Variants in SYNE2 observed in about 807,000 individuals in gnomAD.
The protein encoded by SYNE2 is nesprin-2.
Under a neutral mutation model 856.3 loss-of-function variants are expected in SYNE2, and 431 were observed. The observed-to-expected ratio is 0.50, with a 90% CI of 0.47 to 0.55. SYNE2 has a LOEUF of 0.55. Ranked by LOEUF, SYNE2 falls within the 20% of genes least tolerant of loss-of-function variation. The pLI is 0.00. For missense variants in SYNE2, 8,129 were observed against 8,023.2 expected, an observed-to-expected ratio of 1.01 and a Z score of -0.50; for synonymous variants, 2,923 against 2,872.3, an observed-to-expected ratio of 1.02 and a Z score of -0.56.
At chr14:63,842,257 C>T (rs906577390) in intron 1 of SYNE2, among the ~76,000 whole-genome samples, 5 of 152,168 alleles carry the variant, frequency 3.3e-5, no homozygotes, top group East Asian at 1.9e-4. Flanking sequence ...CTGCAACCTG[C>T]GCCTGCCAGG....
chr14:64,156,452 T>A (rs2098286308), intron 85 of SYNE2, among the ~76,000 whole-genome samples: 1 of 150,722 alleles, frequency 6.6e-6, no homozygotes, highest in African/African-American at 2.5e-5. Flanking sequence ...TATTTTCTTT[T>A]TTCTTTCCTT....
chr14:64,035,699 T>C (rs1315326873), intron 45 of SYNE2, among the ~76,000 whole-genome samples: 2 of 152,038 alleles, frequency 1.3e-5, no homozygotes, highest in Non-Finnish European at 1.5e-5. Flanking sequence ...ATTTATTTTT[T>C]ATGAATTTTA....
At chr14:63,884,213 C>T (rs970541961) in intron 1 of SYNE2, among the ~76,000 whole-genome samples, 6 of 152,164 alleles carry the variant, frequency 3.9e-5, no homozygotes, top group Non-Finnish European at 8.8e-5. Flanking sequence ...ACTTAGCAGG[C>T]CAGCGCTGCT....
chr14:64,078,182 A>T (rs1336291449), intron 54 of SYNE2, among the ~76,000 whole-genome samples: 6 of 152,214 alleles, frequency 3.9e-5, no homozygotes, highest in Admixed American at 3.9e-4. Flanking sequence ...TGCCCAACAC[A>T]GCATATATCT....
intron 2 of SYNE2, among the ~76,000 whole-genome samples, chr14:63,927,763 G>A (rs539688711): frequency 3.3e-5 from 5 of 151,984 alleles, no homozygotes; most frequent in East Asian, 3.9e-4. Context: ...GTGGGGTCGC[G>A]CGCCTGCAGT....
intron 49 of SYNE2, among the ~76,000 whole-genome samples, 155 bp from the exon 50 acceptor site, chr14:64,062,596 C>A (rs953667476): frequency 6.6e-6 from 1 of 152,156 alleles, no homozygotes; most frequent in African/African-American, 2.4e-5. Context: ...ATAAAAACTT[C>A]TTGGAAAACA....
chr14:64,136,279 G>A (rs2098087835), intron 78 of SYNE2, among the ~76,000 whole-genome samples: 1 of 112,144 alleles, frequency 8.9e-6, no homozygotes, highest in Non-Finnish European at 1.6e-5. Flanking sequence ...GACAGAGCGA[G>A]ACTTCATCTC....
chr14:64,161,579 TCTTTGCCAAAGAG>T (rs1242238157), intron 87 of SYNE2, among the ~76,000 whole-genome samples: 1 of 151,998 alleles, frequency 6.6e-6, no homozygotes, highest in Non-Finnish European at 1.5e-5. Flanking sequence ...GTTTTCTCCA[TCTTTGCCAAAGAG>T]ACATTCATAG....
At position 63,840,721 on chromosome 14, in the gene SYNE2, T is replaced by A. The variant is rs553579576; in HGVS notation, c.-304-11780T>A. On this transcript the variant is annotated intron_variant, in intron 1 of 23. Coordinates refer to the SYNE2 transcript ENST00000674003. ...ACTTCTTTAGGTCTCCTTTAACTAA[T>A]AACTGTAGAGGCTGTGCGCAGTGGC... Among the ~76,000 whole-genome samples, 90 of 152,170 alleles carry A rather than the reference T, an allele frequency of 5.9e-4. 1 individual carries two copies. Among genetic ancestry groups the A allele is most frequent in the Non-Finnish European group, 1.2e-3 (83 of 67,974 alleles).
At chr14:64,092,222 G>A (rs1320388949) in intron 60 of SYNE2, among the ~76,000 whole-genome samples, 1 of 152,166 alleles carries the variant, frequency 6.6e-6, no homozygotes, top group Non-Finnish European at 1.5e-5. Flanking sequence ...CTTCACAGAC[G>A]AAATGGGTGA....
At chr14:64,087,477 C>G in intron 57 of SYNE2, 194 bp from the exon 58 acceptor site, 1 of 750,084 alleles carries the variant, frequency 1.3e-6, no homozygotes, top group Non-Finnish European at 2.5e-6. Context: ...TATTATGTTA[C>G]AGTTATACAG....
chr14:63,800,789 C>A (rs1457482286), intron 1 of SYNE2, among the ~76,000 whole-genome samples: 1 of 152,044 alleles, frequency 6.6e-6, no homozygotes, highest in East Asian at 1.9e-4. Flanking sequence ...AAGAAGGAAG[C>A]AGACACTGTG....
At position 64,008,903 on chromosome 14, in the gene SYNE2, G is replaced by A. The variant is rs141621817; in HGVS notation, c.4578-1063G>A. Among the ~76,000 whole-genome samples the A allele has an allele frequency of 1.1e-4, 16 of 152,268 alleles. No homozygotes were observed. The East Asian group carries it at 3.1e-3, about 29-fold the overall frequency. ...TGAGTGGCATGACCTATTTGCGGGG[G>A]TTAATCCCTGTGTGCCTCGGCCTCC... On this transcript the variant is annotated intron_variant, in intron 31 of 115. Coordinates refer to ENST00000555002, the MANE Select transcript of SYNE2 (RefSeq NM_182914.3).
At chr14:64,216,032 G>T (rs1047645476) in intron 107 of SYNE2, 2 of 1,463,826 alleles carry the variant, frequency 1.4e-6, no homozygotes, top group Admixed American at 4.3e-5. Flanking sequence ...AATCATGTTG[G>T]TCGTGCTCCG....
chr14:64,185,194 C>T (rs530442319), intron 96 of SYNE2, among the ~76,000 whole-genome samples: 1 of 152,058 alleles, frequency 6.6e-6, no homozygotes. Flanking sequence ...AGAGGTCAGT[C>T]GAGGCTGCAG....
At chr14:64,170,084 A>G (rs1455796962) in intron 93 of SYNE2, 144 bp from the exon 94 acceptor site, 20 of 780,228 alleles carry the variant, frequency 2.6e-5, no homozygotes, top group Non-Finnish European at 4.4e-5. Flanking sequence ...GTTTAAATTG[A>G]ATAGCACTCA....
rs556226477 is a variant in SYNE2 at position 64,218,423 on chromosome 14, C to T, written c.19568C>T (p.Thr6523Met). 38 of 1,614,028 alleles carry T rather than the reference C, an allele frequency of 2.4e-5. No individual in the cohort carries two copies. Among genetic ancestry groups the T allele is most frequent in the East Asian group, 1.1e-4 (5 of 44,886 alleles). ...GGAAAGCTACTATTACCTCCAGGCA[C>T]GGATGGTGGCAAAGAAGGCCCGCGA... is the stretch of plus-strand genomic sequence containing the variant. Reference protein sequence around the residue: ...PYGKLLLPPGTDGGKEGPRVL... With the variant: ...PYGKLLLPPGMDGGKEGPRVL... Residue 6523 changes from threonine (T) to methionine (M), a missense_variant, in exon 109 of 116, where the codon ACG (threonine) becomes ATG (methionine). This residue lies in a region of SYNE2 where 5,410 missense variants were observed against 5,284.8 expected (regional missense o/e 1.02). Transcript: ENST00000555002.
chr14:64,137,375 A>G (rs552902824), intron 78 of SYNE2, among the ~76,000 whole-genome samples: 1 of 151,856 alleles, frequency 6.6e-6, no homozygotes, highest in Non-Finnish European at 1.5e-5. Flanking sequence ...TCAGCCTCCC[A>G]AGTAGCTGGG....
At position 64,051,764 on chromosome 14, in the gene SYNE2, G is replaced by C; in HGVS notation, c.7851G>C (p.Lys2617Asn). Residue 2617 changes from lysine to asparagine, a missense_variant, in exon 48 of 116, where the codon AAG (lysine) becomes AAC (asparagine). By Grantham distance (94) the Lys-to-Asn change is moderately conservative. This residue lies in a region of SYNE2 where 5,410 missense variants were observed against 5,284.8 expected (regional missense o/e 1.02). Coordinates refer to ENST00000555002, the MANE Select transcript of SYNE2 (RefSeq NM_182914.3). ...AAGTGGAACAGCAGATTCAAAAGAAGTATTCTCAGCAGGTAGTGGAATATG... is the reference window on the plus strand; with the variant it reads ...AAGTGGAACAGCAGATTCAAAAGAACTATTCTCAGCAGGTAGTGGAATATG... ...WEQVEQQIQK[K>N]YSQQVVEYDE... The C allele has an allele frequency of 6.2e-7, 1 of 1,614,208 alleles. No individual in the cohort carries two copies. Among genetic ancestry groups the C allele is most frequent in the Non-Finnish European group, 8.5e-7 (1 of 1,180,038 alleles).
Sources: gnomAD v4.1 joint callset for allele counts (sites outside exome capture counted in the v4.1 genomes callset) on GRCh38, gnomAD v4.1.1 for gene constraint, gnomAD v4.1.1 regional missense constraint, MANE v1.5 for transcripts, NCBI Gene and HGNC (gene_info 2026-07-23, HGNC 2026-07-21) for gene names.